The following MCM3AP variants were observed in gnomAD, a reference collection of about 807,000 sequenced individuals.
MCM3AP encodes the protein germinal-center associated nuclear protein.
Under a neutral mutation model 184.1 loss-of-function variants are expected in MCM3AP, and 126 were observed. The ratio of observed to expected loss-of-function variants is 0.68; its 90% CI spans 0.59 to 0.79. MCM3AP has a LOEUF of 0.79. Ranked by LOEUF, MCM3AP falls within the 30% of genes least tolerant of loss-of-function variation. The pLI is 0.00. For missense variants in MCM3AP, 2,496 were observed against 2,479.2 expected (o/e 1.01, Z -0.14); for synonymous variants, 1,002 against 979.3 (o/e 1.02, Z -0.43).
rs1202782002 is a variant in MCM3AP at position 46,284,368 on chromosome 21, C to T, written c.919G>A (p.Glu307Lys). The T allele has an allele frequency of 2.4e-5, 39 of 1,614,064 alleles. No individual in the cohort carries two copies. Among genetic ancestry groups the T allele is most frequent in the East Asian group, 4.5e-5 (2 of 44,888 alleles). Residue 307 changes from glutamate (E) to lysine (K), a missense_variant, in exon 1 of 28, where the codon GAG becomes AAG. Coordinates refer to ENST00000291688, the MANE Select transcript of MCM3AP (RefSeq NM_003906.5). ...AGAGGATCCGAATCTTCTGCTGGCT[C>T]GTGGCCATGTCTCCTTGGGGAGCGA... is the stretch of plus-strand genomic sequence containing the variant. The part of the protein sequence containing the change: ...QDRSPRRHGH[E>K]PAEDSDPLSR...
At chr21:46,273,696 T>C in intron 6 of MCM3AP, 111 bp from the exon 7 acceptor site, 1 of 704,632 alleles carries the variant, frequency 1.4e-6, no homozygotes, top group South Asian at 1.8e-5. Context: ...AAGATCAGTA[T>C]TTGAGAATAT....
rs549117278 is a variant in MCM3AP at position 46,251,708 on chromosome 21, C to CA, written c.4137-27dup. The CA allele has an allele frequency of 5.3e-4, 750 of 1,404,640 alleles. 3 individuals are homozygous for CA. The African/African-American group carries it at 7.4e-3, about 14-fold the overall frequency. 87.0% of individuals were successfully genotyped at this position (1,404,640 alleles called of 1,614,324 possible). A position where few individuals can be genotyped will look rare whatever the true frequency, so the allele number is the denominator to read the frequency against. ...CTACAGATTTAAAAAAAACAAAAAA[C>CA]AAAAAAAACACTTGAAGAATCTAAT... is the stretch of plus-strand genomic sequence containing the variant. On this transcript the variant is annotated intron_variant, in intron 19 of 27. Transcript: ENST00000291688.
In MCM3AP at chr21:46,284,313, C is replaced by A. The variant is rs756385407; in HGVS notation, c.974G>T (p.Arg325Leu). 5.0e-6 allele frequency: 8 copies of A among 1,614,082 alleles called. No homozygotes were observed. The highest frequency in any genetic ancestry group is 6.8e-6 in the Non-Finnish European group (8 of 1,180,048). ...CCGGGGTCGATTCAGGCGGACAGGT[C>A]GTTTGTCTGGAGGATGATCGCCCCG... ...LSRGDHPPDK[R>L]PVRLNRPRGG... The change falls in exon 1 of 28, where the codon CGA (arginine) becomes CTA (leucine). Residue 325 changes from arginine (R) to leucine (L), a missense_variant. Physicochemically the swap from Arg to Leu is moderately radical, Grantham distance 102. Around this residue, in one of 5 missense-constraint regions of MCM3AP, gnomAD observed 800 missense variants for 717.1 expected, o/e 1.12. Transcript: ENST00000291688.
intron 5 of MCM3AP, among the ~76,000 whole-genome samples, chr21:46,276,059 C>G (rs2081250968): frequency 6.6e-6 from 1 of 152,148 alleles, no homozygotes; most frequent in African/African-American, 2.4e-5. Context: ...CGAGACCAGC[C>G]TGACCAACAT....
intron 20 of MCM3AP, chr21:46,247,131 T>G: frequency 2.2e-6 from 1 of 463,934 alleles, no homozygotes; most frequent in Non-Finnish European, 3.9e-6. Flanking sequence ...ACCTTTTTTT[T>G]TTTTTGAGAA....
At chr21:46,286,241 G>A (rs1001492163), upstream of MCM3AP, 1 of 152,412 alleles carries the variant, frequency 6.6e-6, no homozygotes, top group African/African-American at 2.4e-5. Context: ...GCGACACTCA[G>A]CGCTGCGCAC....
At chr21:46,243,852 A>C in intron 23 of MCM3AP, 130 bp from the exon 24 acceptor site, 2 of 894,600 alleles carry the variant, frequency 2.2e-6, no homozygotes, top group South Asian at 3.4e-5. Context: ...GCAGAACCAC[A>C]GTTGTTGAGG....
chr21:46,258,196 G>A (rs1201185791), intron 16 of MCM3AP, among the ~76,000 whole-genome samples: 2 of 152,148 alleles, frequency 1.3e-5, no homozygotes, highest in African/African-American at 4.8e-5. Context: ...CAATGGACAG[G>A]GGTCTGTTGT....
At chr21:46,265,004 G>A (rs532849672) in intron 12 of MCM3AP, among the ~76,000 whole-genome samples, 13 of 152,248 alleles carry the variant, frequency 8.5e-5, no homozygotes, top group African/African-American at 1.4e-4. Context: ...CCCACCAGGC[G>A]GACACGCCAC....
At chr21:46,264,597 T>C (rs1457225577) in intron 12 of MCM3AP, among the ~76,000 whole-genome samples, 10 of 152,164 alleles carry the variant, frequency 6.6e-5, no homozygotes. Flanking sequence ...CGACAGGCTC[T>C]ACTCAATATC....
At chr21:46,243,112 G>T (rs1038472656) in intron 24 of MCM3AP, 181 bp from the exon 25 acceptor site, 4 of 624,746 alleles carry the variant, frequency 6.4e-6, no homozygotes, top group Non-Finnish European at 1.1e-5. Context: ...ACACAATTAT[G>T]TGACTTCCAC....
intron 15 of MCM3AP, among the ~76,000 whole-genome samples, chr21:46,259,584 T>C (rs1283869728): frequency 1.3e-5 from 2 of 151,176 alleles, no homozygotes; most frequent in Non-Finnish European, 2.9e-5. Context: ...AGCTTGGCCA[T>C]CATGGTAGAA....
At chr21:46,267,659 G>C (rs566033118) in intron 9 of MCM3AP, 1 of 152,870 alleles carries the variant, frequency 6.5e-6, no homozygotes, top group African/African-American at 2.4e-5. Flanking sequence ...GGGAGGCCAA[G>C]GTGGGAGGAT....
At chr21:46,256,175 G>T (rs1036865842) in intron 17 of MCM3AP, among the ~76,000 whole-genome samples, 6 of 151,752 alleles carry the variant, frequency 4.0e-5, no homozygotes, top group African/African-American at 1.5e-4. Flanking sequence ...CACCTACATG[G>T]GTTCTAAATA....
At position 46,235,288 on chromosome 21, in the gene MCM3AP, G is replaced by A; in HGVS notation, c.5923C>T (p.Leu1975=). Residue 1975 remains leucine, a synonymous_variant, in exon 28 of 28, where the codon CTA becomes TTA. Coordinates refer to ENST00000291688, the MANE Select transcript of MCM3AP (RefSeq NM_003906.5). ...GCTGCTCAAATGTCCACCATGTCTA[G>A]CAGCGCAGAGAGATGGAGCTCAGAG... ...VASELHLSAL[L]DMVDI is the part of the protein sequence containing the mutation. 1 of 1,614,174 alleles carries A rather than the reference G, an allele frequency of 6.2e-7. No homozygotes were observed. The highest frequency in any genetic ancestry group is 1.3e-5 in the African/African-American group (1 of 75,052).
intron 4 of MCM3AP, among the ~76,000 whole-genome samples, chr21:46,278,955 G>A (rs1291841799): frequency 2.5e-3 from 1 of 396 alleles, no homozygotes; most frequent in Non-Finnish European, 0.01. Context: ...TTACAGGCGT[G>A]AGCACTGCGC....
At chr21:46,278,736 C>T (rs1289812112) in intron 4 of MCM3AP, among the ~76,000 whole-genome samples, 1 of 151,782 alleles carries the variant, frequency 6.6e-6, no homozygotes, top group African/African-American at 2.4e-5. Flanking sequence ...TGCAGTGGCG[C>T]AATCTCGGCT....
chr21:46,283,990 A>C (rs2081366526), intron 1 of MCM3AP, 78 bp downstream of exon 1: 1 of 1,547,902 alleles, frequency 6.5e-7, no homozygotes, highest in Non-Finnish European at 8.7e-7. Flanking sequence ...TATCTGAAAA[A>C]TCAAGCTAAC....
At chr21:46,278,655 T>C (rs964762586) in intron 4 of MCM3AP, among the ~76,000 whole-genome samples, 3 of 151,900 alleles carry the variant, frequency 2.0e-5, no homozygotes, top group Admixed American at 6.6e-5. Context: ...CAAAAAGTCA[T>C]GCTGCCCTTC....
Sources: allele counts gnomAD v4.1 joint callset (sites outside exome capture counted in the v4.1 genomes callset), GRCh38; gene constraint gnomAD v4.1.1; regional missense constraint gnomAD v4.1.1; transcripts MANE v1.5; gene names NCBI Gene and HGNC (gene_info 2026-07-23, HGNC 2026-07-21).